Variants in DNAI3 observed in about 807,000 individuals in gnomAD.
DNAI3 encodes the protein dynein axonemal intermediate chain 3, also known as WD repeat domain 63.
Under a neutral mutation model 115.5 loss-of-function variants are expected in DNAI3, and 83 were observed. That is an observed-to-expected ratio of 0.72 (90% CI 0.60 to 0.86). The LOEUF (loss-of-function observed/expected upper bound fraction) is 0.86, where lower values mean the gene tolerates loss of function less well. Ranked by LOEUF, DNAI3 falls within the 40% of genes least tolerant of loss-of-function variation. The pLI is 0.00. For synonymous variants in DNAI3, 320 were observed against 347.0 expected (o/e 0.92, Z 0.86); for missense variants, 1,004 against 1,075.8 (o/e 0.93, Z 0.93).
chr1:85,087,434 C>CAAAAAAAAAAAAAAAAAAAAAA (rs1162431713), intron 7 of DNAI3, among the ~76,000 whole-genome samples: 2 of 46,654 alleles, frequency 4.3e-5, no homozygotes, highest in African/African-American at 8.6e-5. Flanking sequence ...GACTCCATCT[C>CAAAAAAAAAAAAAAAAAAAAAA]AAAAAAAAAA....
In DNAI3 at chr1:85,093,456, A is replaced by G; in HGVS notation, c.858-2A>G. The G allele has an allele frequency of 1.9e-6, 3 of 1,611,906 alleles. No individual in the cohort carries two copies. The highest frequency in any genetic ancestry group is 2.2e-5 in the South Asian group (2 of 90,562). ...ATTGCTTTTTTTATTTTTACAAATT[A>G]GTGTTGAAATAGCCCTGCAGCAAAA... On this transcript the variant is annotated splice_acceptor_variant, in intron 8 of 22. Coordinates refer to ENST00000294664, the MANE Select transcript of DNAI3 (RefSeq NM_145172.5). LOFTEE classifies it high-confidence loss of function.
chr1:85,108,134 C>A lies in DNAI3; in HGVS notation c.1655C>A (p.Ser552Tyr), dbSNP rs1655546390. Residue 552 changes from serine to tyrosine, a missense_variant, in exon 15 of 23, where the codon TCT (serine) becomes TAT (tyrosine). Ser to Tyr is a moderately radical substitution (Grantham distance 144, BLOSUM62 -2). This residue lies in a region of DNAI3 where 429 missense variants were observed against 454.3 expected (regional missense o/e 0.94). Transcript: ENST00000294664. Reference sequence around the variant, plus strand: ...ATTGAAATTCCTTTTGATGTACCATCTACTTTTTTGCATCTGGATCTCTCC... The same window carrying A: ...ATTGAAATTCCTTTTGATGTACCATATACTTTTTTGCATCTGGATCTCTCC... ...ESIEIPFDVPSTFLHLDLSWK... is the reference protein window; with the variant it reads ...ESIEIPFDVPYTFLHLDLSWK... The A allele has an allele frequency of 6.2e-7, 1 of 1,606,430 alleles. No homozygotes were observed. Among genetic ancestry groups the A allele is most frequent in the East Asian group, 2.2e-5 (1 of 44,552 alleles).
At chr1:85,081,514 A>AATGGGGCCAGAT in intron 4 of DNAI3, 99 bp downstream of exon 4, 1 of 1,207,750 alleles carries the variant, frequency 8.3e-7, no homozygotes, top group Non-Finnish European at 1.1e-6. Context: ...ATCTGGCCCC[A>AATGGGGCCAGAT]TTGCTTTGGG....
intron 19 of DNAI3, among the ~76,000 whole-genome samples, chr1:85,125,075 A>C (rs2100615217): frequency 6.6e-6 from 1 of 152,244 alleles, no homozygotes; most frequent in South Asian, 2.1e-4. Flanking sequence ...GGCTGGATCT[A>C]GGCAGATAGG....
At chr1:85,084,902 T>A (rs1229834859) in intron 6 of DNAI3, among the ~76,000 whole-genome samples, 1 of 152,232 alleles carries the variant, frequency 6.6e-6, no homozygotes, top group Non-Finnish European at 1.5e-5. Flanking sequence ...ATGTTGAACT[T>A]CTAACCTCCA....
At chr1:85,110,248 G>C in intron 16 of DNAI3, 113 bp downstream of exon 16, 2 of 850,214 alleles carry the variant, frequency 2.4e-6, no homozygotes, top group Admixed American at 2.5e-5. Flanking sequence ...TCAGCAGATC[G>C]AGATCATCCT....
At chr1:85,088,999 A>G (rs1257961696) in intron 7 of DNAI3, among the ~76,000 whole-genome samples, 1 of 152,180 alleles carries the variant, frequency 6.6e-6, no homozygotes, top group Non-Finnish European at 1.5e-5. Flanking sequence ...GAATTATTCT[A>G]AAAACTCCCT....
intron 2 of DNAI3, 82 bp from the exon 3 acceptor site, chr1:85,072,972 A>G (rs28417745): frequency 0.17 from 86,407 of 500,644 alleles, 4,611 homozygotes; most frequent in South Asian, 0.25. Context: ...AAAAAAAAAA[A>G]AAGAAGAAAT....
intron 3 of DNAI3, 108 bp downstream of exon 3, chr1:85,073,200 A>G (rs904944519): frequency 5.6e-6 from 4 of 715,098 alleles, no homozygotes; most frequent in African/African-American, 5.5e-5. Flanking sequence ...CAAAATGTAC[A>G]TGGGCTAAAA....
intron 17 of DNAI3, among the ~76,000 whole-genome samples, chr1:85,118,516 C>T (rs1655899071): frequency 6.6e-6 from 1 of 152,098 alleles, no homozygotes; most frequent in South Asian, 2.1e-4. Context: ...ACTCTCATTC[C>T]CTGAAATACA....
At chr1:85,129,840 A>T (rs1656260913) in intron 21 of DNAI3, 150 bp from the exon 22 acceptor site, 1 of 786,098 alleles carries the variant, frequency 1.3e-6, no homozygotes, top group African/African-American at 1.7e-5. Context: ...GATTAGGTAG[A>T]TGATCATTAG....
chr1:85,128,238 T>C (rs1242566595), intron 20 of DNAI3, among the ~76,000 whole-genome samples: 1 of 152,166 alleles, frequency 6.6e-6, no homozygotes, highest in Non-Finnish European at 1.5e-5. Flanking sequence ...CAGCTACTTG[T>C]TTTTACAATA....
At chr1:85,110,386 G>C (rs946491684) in intron 16 of DNAI3, among the ~76,000 whole-genome samples, 1 of 151,708 alleles carries the variant, frequency 6.6e-6, no homozygotes, top group African/African-American at 2.4e-5. Context: ...GGGAGGCAGA[G>C]CTTGCAGTGA....
rs1557710855 is a variant in DNAI3 at position 85,084,591 on chromosome 1, C to T, written c.436C>T (p.Pro146Ser). Reference sequence around the variant, plus strand: ...ACAAGAAGAATATAAAGAACATATTCCTGAAGATGTGTATATTTATAAACC... The same window carrying T: ...ACAAGAAGAATATAAAGAACATATTTCTGAAGATGTGTATATTTATAAACC... ...EEQEEYKEHI[P>S]EDVYIYKPPV... Residue 146 changes from proline (P) to serine (S), a missense_variant, in exon 6 of 23, where the codon CCT becomes TCT. By Grantham distance (74) the Pro-to-Ser change is moderately conservative. Transcript: ENST00000294664. 1 of 1,552,276 alleles carries T rather than the reference C, an allele frequency of 6.4e-7. No individual in the cohort carries two copies. Among genetic ancestry groups the T allele is most frequent in the East Asian group, 2.4e-5 (1 of 41,266 alleles).
intron 7 of DNAI3, among the ~76,000 whole-genome samples, chr1:85,089,180 C>T (rs1315412773): frequency 6.6e-6 from 1 of 151,816 alleles, no homozygotes; most frequent in Admixed American, 6.6e-5. Context: ...ACATTCAATC[C>T]TTACAATGAC....
intron 1 of DNAI3, among the ~76,000 whole-genome samples, chr1:85,071,656 G>A (rs1356613783): frequency 6.6e-6 from 1 of 152,056 alleles, no homozygotes; most frequent in African/African-American, 2.4e-5. Context: ...TCCATGGCAG[G>A]ACCTATGGCT....
chr1:85,107,626 T>G (rs933577992), intron 14 of DNAI3, among the ~76,000 whole-genome samples: 1 of 152,024 alleles, frequency 6.6e-6, no homozygotes, highest in Admixed American at 6.6e-5. Context: ...CTGCATGAGG[T>G]TTTTTGGTGA....
chr1:85,064,362 T>A (rs1654025784), intron 1 of DNAI3, among the ~76,000 whole-genome samples: 1 of 152,068 alleles, frequency 6.6e-6, no homozygotes, highest in African/African-American at 2.4e-5. Context: ...TGGAAATAGG[T>A]ATGGAAGGAA....
At chr1:85,093,424 T>C (rs1375342485) in intron 8 of DNAI3, 34 bp from the exon 9 acceptor site, 2 of 1,570,268 alleles carry the variant, frequency 1.3e-6, no homozygotes, top group South Asian at 2.2e-5. Context: ...TAAAAACCAA[T>C]ATCTTAATTG....
Sources: gnomAD v4.1 joint callset for allele counts (sites outside exome capture counted in the v4.1 genomes callset) on GRCh38, gnomAD v4.1.1 for gene constraint, gnomAD v4.1.1 regional missense constraint, MANE v1.5 for transcripts, NCBI Gene and HGNC (gene_info 2026-07-23, HGNC 2026-07-21) for gene names.